RAB5C: variants seen among roughly 807,000 people sequenced by gnomAD.
The protein encoded by RAB5C is ras-related protein Rab-5C.
RAB5C carries 4 observed loss-of-function variants against 25.2 expected under a neutral mutation model. That is an observed-to-expected ratio of 0.16 (90% CI 0.08 to 0.36). The LOEUF is 0.36. Ranked by LOEUF, RAB5C falls within the 10% of genes least tolerant of loss-of-function variation. The pLI is 1.00. For missense variants in RAB5C, 199 were observed against 283.8 expected, an observed-to-expected ratio of 0.70 and a Z score of 2.15; for synonymous variants, 100 against 106.4, an observed-to-expected ratio of 0.94 and a Z score of 0.37.
In RAB5C at chr17:42,128,675, T is replaced by C. The variant is rs755174257; in HGVS notation, c.292A>G (p.Ile98Val). 3.5e-5 allele frequency: 53 copies of C among 1,501,758 alleles called. No individual in the cohort carries two copies. In the South Asian group the frequency reaches 6.6e-4, roughly 19 times the overall value. The allele number at this position is 1,501,758 out of a possible 1,614,324, so 93.0% of individuals were successfully genotyped here. A position where few individuals can be genotyped will look rare whatever the true frequency, so the allele number is the denominator to read the frequency against. Residue 98 changes from isoleucine (I) to valine (V), a missense_variant, in exon 3 of 6, where the codon ATC becomes GTC. Around this residue, in one of 3 missense-constraint regions of RAB5C, gnomAD observed 154 missense variants for 199.6 expected, o/e 0.77. Transcript: ENST00000346213. ...PMYYRGAQAAIVVYDITNTDT... is the reference protein window; with the variant it reads ...PMYYRGAQAAVVVYDITNTDT... The stretch of plus-strand genomic sequence containing the variant: ...GTGTTGGTGATGTCATAGACCACGA[T>C]GGCAGCCTGGGCCCCCCGATAGTAC...
intron 1 of RAB5C, among the ~76,000 whole-genome samples, chr17:42,145,772 G>C (rs2144093522): frequency 6.6e-6 from 1 of 152,244 alleles, no homozygotes; most frequent in Middle Eastern, 3.4e-3. Context: ...AAAAATACTG[G>C]ACAAATCCCA....
intron 1 of RAB5C, among the ~76,000 whole-genome samples, chr17:42,147,110 AAGAAAGAAAGAAAC>A (rs1211635118): frequency 1.3e-5 from 2 of 150,972 alleles, no homozygotes; most frequent in South Asian, 4.2e-4. Flanking sequence ...GAAAGACAGA[AAGAAAGAAAGAAAC>A]AGAAAGAAAG....
chr17:42,139,352 T>C (rs545391997), intron 1 of RAB5C, among the ~76,000 whole-genome samples: 7 of 152,348 alleles, frequency 4.6e-5, no homozygotes, highest in Non-Finnish European at 8.8e-5. Flanking sequence ...TCCGCCAGCC[T>C]ACCGATTCCA....
At position 42,130,468 on chromosome 17, in the gene RAB5C, C is replaced by T. The variant is rs144263947; in HGVS notation, c.35G>A (p.Gly12Glu). 1,842 of 1,614,112 alleles carry T rather than the reference C, an allele frequency of 1.1e-3. 1 individual carries two copies. The highest frequency in any genetic ancestry group is 3.0e-3 in the Middle Eastern group (18 of 6,062). ...ACAGATCTTGTTCCCAGCAGCTGGT[C>T]CATTGGGTCGTGCTGCGCCTCCCCG... ...AGRGGAARPNGPAAGNKICQF... is the reference protein window; with the variant it reads ...AGRGGAARPNEPAAGNKICQF... The change falls in exon 2 of 6, where the codon GGA (glycine) becomes GAA (glutamate). Residue 12 changes from glycine to glutamate, a missense_variant. Coordinates refer to ENST00000346213, the MANE Select transcript of RAB5C (RefSeq NM_004583.4).
At chr17:42,139,142 T>C (rs966373246) in intron 1 of RAB5C, among the ~76,000 whole-genome samples, 6 of 152,192 alleles carry the variant, frequency 3.9e-5, no homozygotes, top group Non-Finnish European at 5.9e-5. Context: ...AGGAAGACTA[T>C]TGGGGTGGGA....
chr17:42,144,730 C>T (rs2079622006), intron 1 of RAB5C, among the ~76,000 whole-genome samples: 2 of 151,776 alleles, frequency 1.3e-5, no homozygotes, highest in Admixed American at 6.6e-5. Context: ...AGATCGAGAC[C>T]ATCCTGCCTA....
intron 1 of RAB5C, among the ~76,000 whole-genome samples, chr17:42,143,702 C>G (rs1451783534): frequency 6.6e-6 from 1 of 152,156 alleles, no homozygotes; most frequent in Non-Finnish European, 1.5e-5. Flanking sequence ...CTCACAATGA[C>G]TAGGCAGGTC....
At chr17:42,125,933 G>C (rs2054418436) in intron 5 of RAB5C, 35 bp from the exon 6 acceptor site, 1 of 1,469,256 alleles carries the variant, frequency 6.8e-7, no homozygotes, top group African/African-American at 1.4e-5. Context: ...TTTGTTGGGG[G>C]TACCCCAATA....
In RAB5C at chr17:42,150,544, C is replaced by CAAAA. The variant is rs759878778; in HGVS notation, c.-89+4345_-89+4348dup. Among the ~76,000 whole-genome samples, 40 of 19,382 alleles carry CAAAA rather than the reference C, an allele frequency of 2.1e-3. 3 individuals are homozygous for CAAAA. Among genetic ancestry groups the CAAAA allele is most frequent in the African/African-American group, 8.3e-3 (35 of 4,224 alleles). The allele number at this position is 19,382 out of a possible 152,430, so 12.7% of individuals were successfully genotyped here. ...GGGAGACAAGAGTGAAACTCCATCT[C>CAAAA]AAAAAAAAAAAAAAAAAAAAAAAAA... is the stretch of plus-strand genomic sequence containing the variant. On this transcript the variant is annotated intron_variant, in intron 1 of 5. Transcript: ENST00000346213.
At chr17:42,133,684 T>TG (rs2054508627) in intron 1 of RAB5C, among the ~76,000 whole-genome samples, 1 of 152,236 alleles carries the variant, frequency 6.6e-6, no homozygotes, top group African/African-American at 2.4e-5. Flanking sequence ...GACTGTCTCC[T>TG]GCCACTTCTG....
At chr17:42,151,297 C>T (rs529011982) in intron 1 of RAB5C, among the ~76,000 whole-genome samples, 124 of 152,160 alleles carry the variant, frequency 8.1e-4, no homozygotes, top group Admixed American at 1.6e-3. Flanking sequence ...ATTAGCCGGA[C>T]GTGGTGGTGG....
At chr17:42,143,176 C>A (rs1025704544) in intron 1 of RAB5C, among the ~76,000 whole-genome samples, 10 of 152,180 alleles carry the variant, frequency 6.6e-5, no homozygotes, top group Non-Finnish European at 1.3e-4. Flanking sequence ...CCACCTCTAC[C>A]TTTCCCAACT....
chr17:42,132,371 A>G (rs774721296), intron 1 of RAB5C, among the ~76,000 whole-genome samples: 6 of 152,204 alleles, frequency 3.9e-5, no homozygotes, highest in Non-Finnish European at 8.8e-5. Context: ...CAGAAATACC[A>G]TGTAAATATT....
chr17:42,130,731 C>G (rs1045211150), intron 1 of RAB5C, 141 bp from the exon 2 acceptor site: 1 of 1,049,206 alleles, frequency 9.5e-7, no homozygotes, highest in African/African-American at 1.6e-5. Context: ...CTGCCCTCCC[C>G]ACTAGAGGTC....
At chr17:42,150,884 C>T (rs1438008415) in intron 1 of RAB5C, among the ~76,000 whole-genome samples, 4 of 152,072 alleles carry the variant, frequency 2.6e-5, no homozygotes, top group African/African-American at 9.7e-5. Flanking sequence ...CCCTACCTAC[C>T]CATCAGAGGC....
At chr17:42,140,030 G>A (rs1202606942) in intron 1 of RAB5C, among the ~76,000 whole-genome samples, 4 of 152,116 alleles carry the variant, frequency 2.6e-5, no homozygotes, top group Non-Finnish European at 2.9e-5. Flanking sequence ...TGTAGGGCCC[G>A]TCTTCCCCCC....
At chr17:42,137,328 AG>A (rs1334636351) in intron 1 of RAB5C, among the ~76,000 whole-genome samples, 53 of 151,874 alleles carry the variant, frequency 3.5e-4, no homozygotes, top group African/African-American at 1.3e-3. Flanking sequence ...AAAAAAAAAA[AG>A]CACACTGCTG....
At chr17:42,134,623 G>A (rs887839772) in intron 1 of RAB5C, among the ~76,000 whole-genome samples, 3 of 152,182 alleles carry the variant, frequency 2.0e-5, no homozygotes, top group African/African-American at 7.2e-5. Context: ...CCGTGCTGGA[G>A]CTTCAGATCT....
At chr17:42,137,242 G>A (rs899274068) in intron 1 of RAB5C, among the ~76,000 whole-genome samples, 10 of 151,618 alleles carry the variant, frequency 6.6e-5, no homozygotes, top group African/African-American at 2.4e-4. Flanking sequence ...GGAGACAGAG[G>A]TTGTGGTGAG....
Sources: allele counts gnomAD v4.1 joint callset (sites outside exome capture counted in the v4.1 genomes callset), GRCh38; gene constraint gnomAD v4.1.1; regional missense constraint gnomAD v4.1.1; transcripts MANE v1.5; gene names NCBI Gene and HGNC (gene_info 2026-07-23, HGNC 2026-07-21).